Variants in KMO observed in about 807,000 individuals in gnomAD.
The protein encoded by KMO is kynurenine 3-monooxygenase.
Under a neutral mutation model 57.8 loss-of-function variants are expected in KMO, and 24 were observed. The ratio of observed to expected loss-of-function variants is 0.42; its 90% confidence interval spans 0.30 to 0.58. The LOEUF is 0.58. Ranked by LOEUF, KMO falls within the 20% of genes least tolerant of loss-of-function variation. The pLI, the probability that KMO is intolerant of heterozygous loss-of-function variation, is 0.22. For missense variants in KMO, 483 were observed against 588.2 expected (o/e 0.82, Z 1.85); for synonymous variants, 210 against 193.6 (o/e 1.08, Z -0.70).
chr1:241,591,883 T>TA, intron 14 of KMO, 70 bp from the exon 15 acceptor site: 1 of 1,298,126 alleles, frequency 7.7e-7, no homozygotes, highest in Non-Finnish European at 1.1e-6. Flanking sequence ...CCTTTGTTGT[T>TA]AAAAAATGAA....
intron 12 of KMO, among the ~76,000 whole-genome samples, 155 bp downstream of exon 12, chr1:241,588,985 C>T (rs1004324328): frequency 6.6e-6 from 1 of 152,194 alleles, no homozygotes; most frequent in Admixed American, 6.5e-5. Context: ...ATTCCTTAGA[C>T]TTGGGTGGAT....
chr1:241,563,082 C>G (rs1178507046), intron 7 of KMO, among the ~76,000 whole-genome samples: 1 of 152,076 alleles, frequency 6.6e-6, no homozygotes, highest in African/African-American at 2.4e-5. Context: ...TACTGACAAT[C>G]CAGAGTTCTT....
intron 10 of KMO, among the ~76,000 whole-genome samples, chr1:241,576,918 C>CT (rs1490050644): frequency 1.3e-5 from 2 of 152,032 alleles, no homozygotes; most frequent in African/African-American, 4.8e-5. Flanking sequence ...TTCTTTGAGG[C>CT]TTTGTTCATT....
chr1:241,550,438 A>C (rs1346545036), intron 3 of KMO, among the ~76,000 whole-genome samples: 1 of 152,184 alleles, frequency 6.6e-6, no homozygotes, highest in Non-Finnish European at 1.5e-5. Context: ...TTCACTGTCT[A>C]TGTTAGCTTG....
rs1662165192 is a variant in KMO, at chr1:241,568,610, A to G, written c.920A>G (p.His307Arg). 1 of 1,613,796 alleles carries G rather than the reference A, an allele frequency of 6.2e-7. No individual in the cohort carries two copies. The highest frequency in any genetic ancestry group is 8.5e-7 in the Non-Finnish European group (1 of 1,179,880). Residue 307 changes from histidine to arginine, a missense_variant, in exon 10 of 15, where the codon CAT (histidine) becomes CGT (arginine). Coordinates refer to ENST00000366559, the MANE Select transcript of KMO (RefSeq NM_003679.5). ...SHCVLLGDAA[H>R]AIVPFFGQGM... ...TGTGTACTGCTGGGAGATGCAGCTC[A>G]TGCTATAGTGCCGTTTTTTGGGCAA...
intron 7 of KMO, among the ~76,000 whole-genome samples, 186 bp downstream of exon 7, chr1:241,562,518 C>T (rs1052360574): frequency 6.6e-6 from 1 of 152,158 alleles, no homozygotes; most frequent in African/African-American, 2.4e-5. Flanking sequence ...TCAGTCCTTC[C>T]TTGTTTGATA....
chr1:241,568,363 T>C, intron 9 of KMO, 137 bp from the exon 10 acceptor site: 1 of 816,332 alleles, frequency 1.2e-6, no homozygotes, highest in Non-Finnish European at 2.0e-6. Context: ...CTTCAGTTTT[T>C]CCCTTTTCTG....
intron 10 of KMO, among the ~76,000 whole-genome samples, chr1:241,579,733 C>A (rs1340006513): frequency 6.6e-6 from 1 of 152,106 alleles, no homozygotes; most frequent in Non-Finnish European, 1.5e-5. Flanking sequence ...CCAGGGCACC[C>A]AGCTTCTGCA....
chr1:241,591,373 T>C (rs1289211228), intron 14 of KMO, among the ~76,000 whole-genome samples: 2 of 151,778 alleles, frequency 1.3e-5, no homozygotes, highest in African/African-American at 4.8e-5. Context: ...TACTGTCCAA[T>C]CTCTTGTGAT....
At chr1:241,552,158 G>GT (rs1489985785) in intron 4 of KMO, among the ~76,000 whole-genome samples, 2 of 127,360 alleles carry the variant, frequency 1.6e-5, no homozygotes, top group African/African-American at 6.1e-5. Flanking sequence ...CTGTGTGTGT[G>GT]TGAGTGTGAG....
intron 10 of KMO, among the ~76,000 whole-genome samples, chr1:241,572,845 G>T (rs1662354847): frequency 6.6e-6 from 1 of 152,000 alleles, no homozygotes; most frequent in Admixed American, 6.6e-5. Flanking sequence ...CTGCGTTTCT[G>T]TACTCATAAT....
At chr1:241,572,659 C>A (rs1662346208) in intron 10 of KMO, among the ~76,000 whole-genome samples, 1 of 151,762 alleles carries the variant, frequency 6.6e-6, no homozygotes, top group Non-Finnish European at 1.5e-5. Context: ...TATTTTATTT[C>A]AATAGCTTTT....
At chr1:241,548,248 T>C (rs1661228058) in intron 1 of KMO, among the ~76,000 whole-genome samples, 1 of 152,108 alleles carries the variant, frequency 6.6e-6, no homozygotes, top group Non-Finnish European at 1.5e-5. Flanking sequence ...CTGGGCAACA[T>C]AGTGAGACCC....
At chr1:241,590,716 G>A (rs1408781268) in intron 14 of KMO, among the ~76,000 whole-genome samples, 4 of 152,036 alleles carry the variant, frequency 2.6e-5, no homozygotes, top group Non-Finnish European at 4.4e-5. Context: ...TTCCACTTTG[G>A]GGATTTTACA....
chr1:241,579,198 T>TG (rs1179376071), intron 10 of KMO, among the ~76,000 whole-genome samples: 11 of 152,152 alleles, frequency 7.2e-5, no homozygotes, highest in Non-Finnish European at 1.5e-4. Flanking sequence ...CTGTGTCAGT[T>TG]GGCTTCTGCC....
Position 241,593,340 on chromosome 1 carries a change from C to A in KMO, c.*1187C>A. ...AAAAGCACATTTAGTGAAATGTTTTCTTTGGTTCATCCTTCTTTAACAGGC... is the reference window on the plus strand; with the variant it reads ...AAAAGCACATTTAGTGAAATGTTTTATTTGGTTCATCCTTCTTTAACAGGC... On this transcript the variant is annotated 3_prime_UTR_variant, in exon 15 of 15. Transcript: ENST00000366559. The A allele has an allele frequency of 2.3e-6, 1 of 429,262 alleles. No homozygotes were observed. The highest frequency in any genetic ancestry group is 1.7e-5 in the South Asian group (1 of 58,496). 26.6% of individuals were successfully genotyped at this position (429,262 alleles called of 1,614,324 possible).
intron 10 of KMO, among the ~76,000 whole-genome samples, chr1:241,572,699 C>G (rs987614062): frequency 2.6e-5 from 4 of 152,016 alleles, no homozygotes; most frequent in African/African-American, 9.6e-5. Flanking sequence ...GTTACATTAA[C>G]AAATTATATA....
chr1:241,552,047 C>T (rs1280724026), intron 4 of KMO, among the ~76,000 whole-genome samples: 4 of 152,224 alleles, frequency 2.6e-5, no homozygotes, highest in Admixed American at 6.5e-5. Context: ...GCTTCAGAGA[C>T]TGAACCAGTA....
At chr1:241,585,510 C>G (rs1000468271) in intron 10 of KMO, among the ~76,000 whole-genome samples, 1 of 151,974 alleles carries the variant, frequency 6.6e-6, no homozygotes, top group South Asian at 2.1e-4. Flanking sequence ...GTAATCCCAG[C>G]ACTTTGGGAG....
Sources: gnomAD v4.1 joint callset for allele counts (sites outside exome capture counted in the v4.1 genomes callset) on GRCh38, gnomAD v4.1.1 for gene constraint, MANE v1.5 for transcripts, NCBI Gene and HGNC (gene_info 2026-07-23, HGNC 2026-07-21) for gene names.